PCCA: variants seen among roughly 807,000 people sequenced by gnomAD.
The protein encoded by PCCA is propionyl-CoA carboxylase alpha chain, mitochondrial.
PCCA carries 74 observed loss-of-function variants against 101.3 expected under a neutral mutation model. The observed-to-expected ratio is 0.73, with a 90% confidence interval of 0.61 to 0.89. The LOEUF (loss-of-function observed/expected upper bound fraction) is 0.89. Ranked by LOEUF, PCCA falls within the 40% of genes least tolerant of loss-of-function variation. The pLI is 0.00. For synonymous variants in PCCA, 294 were observed against 313.6 expected (o/e 0.94, Z 0.66); for missense variants, 891 against 907.0 (o/e 0.98, Z 0.23).
At chr13:100,107,352 A>G (rs1380282655) in intron 2 of PCCA, among the ~76,000 whole-genome samples, 2 of 152,148 alleles carry the variant, frequency 1.3e-5, no homozygotes, top group African/African-American at 4.8e-5. Context: ...AGTTGGCCTT[A>G]AGTTAGTGTG....
rs557337843 is a variant in PCCA, at chr13:100,268,901, A to G, written c.914+118A>G. ...GAGACAGGGTCTCACTCTGTTGCCC[A>G]GGCAGTGGTGCAATCACGGCTCACT... On this transcript the variant is annotated intron_variant, in intron 11 of 23. Coordinates refer to ENST00000376285, the MANE Select transcript of PCCA (RefSeq NM_000282.4). 61 of 800,066 alleles carry G rather than the reference A, an allele frequency of 7.6e-5. 1 individual carries two copies. Among genetic ancestry groups the G allele is most frequent in the Non-Finnish European group, 1.1e-4 (53 of 465,200 alleles). 49.6% of individuals were successfully genotyped at this position (800,066 alleles called of 1,614,324 possible). A position where few individuals can be genotyped will look rare whatever the true frequency, so the allele number is the denominator to read the frequency against.
chr13:100,331,232 G>A (rs2069517123), intron 17 of PCCA, among the ~76,000 whole-genome samples: 1 of 152,074 alleles, frequency 6.6e-6, no homozygotes. Flanking sequence ...TCATCAAATG[G>A]GAGATAGAGA....
chr13:100,368,573 C>T lies in PCCA; in HGVS notation c.1745C>T (p.Ser582Leu), dbSNP rs16957356. The change falls in exon 19 of 24, where the codon TCG (serine) becomes TTG (leucine). Residue 582 changes from serine (S) to leucine (L), a missense_variant and splice_region_variant. By Grantham distance (145) the Ser-to-Leu change is moderately radical. Coordinates refer to ENST00000376285, the MANE Select transcript of PCCA (RefSeq NM_000282.4). ...VVASNNGSVF[S>L]VEVDGSKLNV... ...GCATCAAACAATGGGTCAGTGTTCT[C>T]GGTGAGTTTTCTTTCTTTATTTTCT... The T allele has an allele frequency of 2.9e-3, 4,497 of 1,573,368 alleles. 119 individuals are homozygous for T. The African/African-American group carries it at 0.052, about 18-fold the overall frequency.
chr13:100,378,822 A>G (rs2076067471), intron 19 of PCCA, among the ~76,000 whole-genome samples: 2 of 151,972 alleles, frequency 1.3e-5, no homozygotes, highest in African/African-American at 4.8e-5. Context: ...TCTCATTTAT[A>G]TCCTTAATTG....
intron 4 of PCCA, among the ~76,000 whole-genome samples, chr13:100,125,382 T>C (rs1047775159): frequency 3.9e-5 from 6 of 152,276 alleles, no homozygotes; most frequent in African/African-American, 1.2e-4. Context: ...TAACTTTCCT[T>C]ATCAACAGCA....
chr13:100,110,802 T>G (rs1257885577), intron 2 of PCCA, among the ~76,000 whole-genome samples: 1 of 152,010 alleles, frequency 6.6e-6, no homozygotes, highest in Non-Finnish European at 1.5e-5. Flanking sequence ...GTGTTTTTTT[T>G]GTTTATTTAT....
intron 7 of PCCA, among the ~76,000 whole-genome samples, chr13:100,223,248 T>A (rs1028379034): frequency 6.6e-6 from 1 of 152,176 alleles, no homozygotes; most frequent in Non-Finnish European, 1.5e-5. Context: ...TGGTGGGTTC[T>A]TGGTCTCACT....
At chr13:100,103,463 C>A (rs1470855231) in intron 2 of PCCA, among the ~76,000 whole-genome samples, 1 of 151,302 alleles carries the variant, frequency 6.6e-6, no homozygotes, top group African/African-American at 2.4e-5. Context: ...AGGCGCCCAC[C>A]ACTGCACCTG....
intron 22 of PCCA, among the ~76,000 whole-genome samples, chr13:100,525,472 C>T (rs1047546449): frequency 6.6e-6 from 1 of 152,260 alleles, no homozygotes; most frequent in African/African-American, 2.4e-5. Context: ...TGTCCACCAC[C>T]CACTTGCTCC....
chr13:100,215,269 C>T (rs1009145889), intron 7 of PCCA, among the ~76,000 whole-genome samples: 5 of 152,194 alleles, frequency 3.3e-5, no homozygotes, highest in Admixed American at 2.0e-4. Flanking sequence ...TTCATCTATT[C>T]AGTAGATATT....
intron 6 of PCCA, among the ~76,000 whole-genome samples, chr13:100,203,334 C>T (rs2058653475): frequency 6.6e-6 from 1 of 150,608 alleles, no homozygotes; most frequent in African/African-American, 2.4e-5. Flanking sequence ...GTATGTTTTT[C>T]TCCTGTGCTT....
rs563965938 is a variant in PCCA, at chr13:100,296,420, T to C, written c.1066-5040T>C. Reference sequence around the variant, plus strand: ...ATGCCTGGCTGATTTTTTTGTATTTTTTTTTTTTTTAAATAGAGACAAAGT... The same window carrying C: ...ATGCCTGGCTGATTTTTTTGTATTTCTTTTTTTTTTAAATAGAGACAAAGT... On this transcript the variant is annotated intron_variant, in intron 12 of 23. Transcript: ENST00000376285. Among the ~76,000 whole-genome samples, 5 of 151,394 alleles carry C rather than the reference T, an allele frequency of 3.3e-5. No homozygotes were observed. In the South Asian group the frequency reaches 1.0e-3, roughly 32 times the overall value.
chr13:100,161,381 A>G (rs1433794123), intron 6 of PCCA: 2 of 152,202 alleles, frequency 1.3e-5, no homozygotes, highest in African/African-American at 4.8e-5. Context: ...ACTTGAGAAA[A>G]TGTTCATGGT....
chr13:100,124,717 C>CT (rs1483596221), intron 4 of PCCA, among the ~76,000 whole-genome samples: 1 of 152,068 alleles, frequency 6.6e-6, no homozygotes, highest in African/African-American at 2.4e-5. Context: ...TTAATGCAGA[C>CT]TAAGGTATAA....
At chr13:100,406,909 G>A (rs1447192056) in intron 19 of PCCA, among the ~76,000 whole-genome samples, 1 of 152,064 alleles carries the variant, frequency 6.6e-6, no homozygotes, top group Non-Finnish European at 1.5e-5. Flanking sequence ...TTATTTTAAT[G>A]TTACAATCTT....
intron 4 of PCCA, among the ~76,000 whole-genome samples, chr13:100,120,177 CTTT>C (rs11289175): frequency 5.3e-5 from 7 of 131,034 alleles, no homozygotes; most frequent in Admixed American, 7.8e-5. Context: ...TTTCAGATTA[CTTT>C]TTTTTTTTTT....
chr13:100,261,803 A>G (rs756102996), intron 9 of PCCA, among the ~76,000 whole-genome samples: 1 of 152,212 alleles, frequency 6.6e-6, no homozygotes, highest in Non-Finnish European at 1.5e-5. Context: ...TTTATAGAAG[A>G]TAAAATTGTA....
chr13:100,330,328 A>T (rs1326971490), intron 16 of PCCA, among the ~76,000 whole-genome samples: 2 of 152,208 alleles, frequency 1.3e-5, no homozygotes, highest in Non-Finnish European at 2.9e-5. Flanking sequence ...GCACCACCCT[A>T]ATACAGCCCG....
At chr13:100,429,692 T>C (rs1337005945) in intron 20 of PCCA, among the ~76,000 whole-genome samples, 2 of 152,006 alleles carry the variant, frequency 1.3e-5, no homozygotes, top group Non-Finnish European at 2.9e-5. Flanking sequence ...CTGCAACCTC[T>C]GTCTTTCGGG....
Sources: allele counts gnomAD v4.1 joint callset (sites outside exome capture counted in the v4.1 genomes callset), GRCh38; gene constraint gnomAD v4.1.1; transcripts MANE v1.5; gene names NCBI Gene and HGNC (gene_info 2026-07-23, HGNC 2026-07-21).